Variants in PDE1A observed in about 807,000 individuals in gnomAD.
PDE1A encodes dual specificity calcium/calmodulin-dependent 3',5'-cyclic nucleotide phosphodiesterase 1A.
A neutral mutation model predicts 61.7 loss-of-function variants in PDE1A; 35 were observed. That is an observed-to-expected ratio of 0.57 (90% CI 0.43 to 0.75). The LOEUF is 0.75. PDE1A is among the 30% of genes least tolerant of loss of function. PDE1A has a pLI of 0.00. For missense variants in PDE1A, 597 were observed against 630.6 expected, an observed-to-expected ratio of 0.95 and a Z score of 0.57; for synonymous variants, 232 against 213.2, an observed-to-expected ratio of 1.09 and a Z score of -0.77.
the PDE1A span, among the ~76,000 whole-genome samples, chr2:182,651,876 A>G: frequency 1.3e-5 from 2 of 152,222 alleles, no homozygotes; most frequent in Non-Finnish European, 2.9e-5. Context: ...TGTGAAGCCT[A>G]AAGCTGCAAA....
At chr2:182,258,225 G>A (rs1691971580) in intron 2 of PDE1A, among the ~76,000 whole-genome samples, 1 of 152,054 alleles carries the variant, frequency 6.6e-6, no homozygotes, top group African/African-American at 2.4e-5. Context: ...TATCACTAAT[G>A]CCTTATTGCA....
At chr2:182,606,699 A>G in the PDE1A span, among the ~76,000 whole-genome samples, 1 of 152,238 alleles carries the variant, frequency 6.6e-6, no homozygotes, top group African/African-American at 2.4e-5. Flanking sequence ...TTAATAAAAC[A>G]AAAATTGTAT....
chr2:182,693,370 A>G, the PDE1A span, among the ~76,000 whole-genome samples: 3 of 152,050 alleles, frequency 2.0e-5, no homozygotes, highest in African/African-American at 7.2e-5. Flanking sequence ...TTAATAAGGA[A>G]TCTCTTTCAA....
chr2:182,436,809 C>T (rs577175792), intron 2 of PDE1A, among the ~76,000 whole-genome samples: 61 of 152,028 alleles, frequency 4.0e-4, no homozygotes, highest in African/African-American at 1.3e-3. Context: ...CTATATAGTT[C>T]GCATATTACA....
At chr2:182,527,393 C>CAT (rs1436363362), upstream of PDE1A, among the ~76,000 whole-genome samples, 6 of 87,648 alleles carry the variant, frequency 6.8e-5, no homozygotes, top group Non-Finnish European at 8.8e-5. Flanking sequence ...TATATACACA[C>CAT]ATATATATAC....
At chr2:182,475,279 G>A (rs956403512) in intron 2 of PDE1A, among the ~76,000 whole-genome samples, 4 of 151,926 alleles carry the variant, frequency 2.6e-5, no homozygotes, top group African/African-American at 4.8e-5. Context: ...TGGGACAGCA[G>A]CAACAGGTGC....
intron 1 of PDE1A, among the ~76,000 whole-genome samples, chr2:182,330,789 G>T (rs1559344313): frequency 6.6e-6 from 1 of 152,094 alleles, no homozygotes; most frequent in Non-Finnish European, 1.5e-5. Flanking sequence ...CTAGTTTCTT[G>T]GTTTCTCTAG....
At chr2:182,144,084 A>G (rs565109860), downstream of PDE1A, among the ~76,000 whole-genome samples, 12 of 152,180 alleles carry the variant, frequency 7.9e-5, no homozygotes, top group Non-Finnish European at 1.8e-4. Context: ...ATTCCAAAAG[A>G]TATTTTAAAT....
intron 7 of PDE1A, among the ~76,000 whole-genome samples, chr2:182,211,461 A>G (rs1021886446): frequency 6.6e-6 from 1 of 152,124 alleles, no homozygotes; most frequent in African/African-American, 2.4e-5. Flanking sequence ...CAGTCCTCCA[A>G]CTTTGTGCTT....
chr2:182,389,993 G>A (rs1701330958), intron 1 of PDE1A, among the ~76,000 whole-genome samples: 1 of 152,172 alleles, frequency 6.6e-6, no homozygotes, highest in Non-Finnish European at 1.5e-5. Flanking sequence ...CAGACTGAAG[G>A]CTGATCTGTC....
intron 2 of PDE1A, among the ~76,000 whole-genome samples, chr2:182,243,266 G>T (rs1266274075): frequency 6.6e-6 from 1 of 152,042 alleles, no homozygotes; most frequent in Non-Finnish European, 1.5e-5. Flanking sequence ...TATTTTAAAA[G>T]AAAGACTAAA....
intron 2 of PDE1A, among the ~76,000 whole-genome samples, chr2:182,262,637 G>T (rs1692304898): frequency 6.6e-6 from 1 of 152,214 alleles, no homozygotes; most frequent in African/African-American, 2.4e-5. Flanking sequence ...TGCAGACAAA[G>T]AAAGAATCGC....
rs533379697 is a variant in PDE1A at position 182,193,928 on chromosome 2, A to G, written c.1126-4868T>C. Among the ~76,000 whole-genome samples, 69 of 152,250 alleles carry G rather than the reference A, an allele frequency of 4.5e-4. 1 individual carries two copies. The highest frequency in any genetic ancestry group is 1.6e-3 in the African/African-American group (67 of 41,562). On this transcript the variant is annotated intron_variant, in intron 10 of 13. Transcript: ENST00000351439. ...TTTTGAAAAGCCAGATCCTTGGCTGAGAATGGACTAAGTACATTTGTATTA... is the reference window on the plus strand; with the variant it reads ...TTTTGAAAAGCCAGATCCTTGGCTGGGAATGGACTAAGTACATTTGTATTA...
At chr2:182,351,843 T>G (rs1380013075) in intron 1 of PDE1A, among the ~76,000 whole-genome samples, 1 of 152,188 alleles carries the variant, frequency 6.6e-6, no homozygotes, top group Non-Finnish European at 1.5e-5. Context: ...AATAATCCAC[T>G]TGATGCTGAA....
chr2:182,489,695 T>A (rs1574783011), intron 2 of PDE1A, among the ~76,000 whole-genome samples: 1 of 152,310 alleles, frequency 6.6e-6, no homozygotes, highest in South Asian at 2.1e-4. Context: ...GAGTTGTCAT[T>A]GACCTAGAGG....
At chr2:182,552,439 G>GTTT in the PDE1A span, among the ~76,000 whole-genome samples, 41 of 122,870 alleles carry the variant, frequency 3.3e-4, no homozygotes, top group Admixed American at 1.4e-3. Context: ...GCTACACAAA[G>GTTT]TTTTTTTTTT....
chr2:182,655,126 G>T, the PDE1A span, among the ~76,000 whole-genome samples: 1 of 152,208 alleles, frequency 6.6e-6, no homozygotes, highest in South Asian at 2.1e-4. Context: ...GCCAATGTCT[G>T]CCTCAAGGTG....
chr2:182,201,296 A>C, intron 10 of PDE1A, 143 bp downstream of exon 10: 2 of 920,800 alleles, frequency 2.2e-6, no homozygotes, highest in Non-Finnish European at 3.3e-6. Flanking sequence ...AGACTAATAA[A>C]TTTTGCTGAA....
the PDE1A span, among the ~76,000 whole-genome samples, chr2:182,604,148 G>A: frequency 6.6e-6 from 1 of 152,100 alleles, no homozygotes; most frequent in East Asian, 1.9e-4. Flanking sequence ...ATATCTGAAA[G>A]AAATTATAAT....
Sources: allele counts gnomAD v4.1 joint callset (sites outside exome capture counted in the v4.1 genomes callset), GRCh38; gene constraint gnomAD v4.1.1; transcripts MANE v1.5; gene names NCBI Gene and HGNC (gene_info 2026-07-23, HGNC 2026-07-21).